ADAMTS18: variants seen among roughly 807,000 people sequenced by gnomAD.
ADAMTS18 encodes A disintegrin and metalloproteinase with thrombospondin motifs 18.
A neutral mutation model predicts 165.9 loss-of-function variants in ADAMTS18; 157 were observed. The ratio of observed to expected loss-of-function variants is 0.95; its 90% CI spans 0.83 to 1.08. The LOEUF (loss-of-function observed/expected upper bound fraction) is 1.08, where lower values mean the gene tolerates loss of function less well. Among genes scored for constraint, ADAMTS18 ranks in the 50% least tolerant of loss-of-function variants. The pLI, the probability that ADAMTS18 is intolerant of heterozygous loss-of-function variation, is 0.00. For missense variants in ADAMTS18, 2,040 were observed against 1,534.0 expected (o/e 1.33, Z -5.51); for synonymous variants, 782 against 578.2 (o/e 1.35, Z -5.06).
intron 17 of ADAMTS18, among the ~76,000 whole-genome samples, chr16:77,298,144 C>A (rs1252483138): frequency 6.6e-6 from 1 of 151,868 alleles, no homozygotes; most frequent in African/African-American, 2.4e-5. Context: ...TCTTGAACTC[C>A]TGACCTCAGT....
At chr16:77,339,278 C>G (rs1393764929) in intron 11 of ADAMTS18, among the ~76,000 whole-genome samples, 2 of 152,076 alleles carry the variant, frequency 1.3e-5, no homozygotes, top group Non-Finnish European at 2.9e-5. Context: ...ATGGATGGAA[C>G]TTATTAAGAT....
intron 9 of ADAMTS18, among the ~76,000 whole-genome samples, chr16:77,354,623 A>C (rs1177974805): frequency 6.6e-6 from 1 of 152,126 alleles, no homozygotes; most frequent in Non-Finnish European, 1.5e-5. Flanking sequence ...TGGGGGTCCT[A>C]ATCAACCATG....
At chr16:77,341,881 T>C (rs1567498217) in intron 10 of ADAMTS18, 82 bp from the exon 11 acceptor site, 4 of 1,113,570 alleles carry the variant, frequency 3.6e-6, no homozygotes, top group Non-Finnish European at 5.3e-6. Flanking sequence ...TATATAATAT[T>C]ATATTTTGGG....
At chr16:77,330,822 C>T (rs1287738962) in intron 12 of ADAMTS18, among the ~76,000 whole-genome samples, 1 of 152,250 alleles carries the variant, frequency 6.6e-6, no homozygotes, top group African/African-American at 2.4e-5. Context: ...GAAACAGAAA[C>T]CTCACACTGC....
chr16:77,410,951 C>G (rs1023452128), intron 3 of ADAMTS18, among the ~76,000 whole-genome samples: 1 of 152,172 alleles, frequency 6.6e-6, no homozygotes, highest in East Asian at 1.9e-4. Context: ...CAGATACTCC[C>G]TGTTTATTCA....
intron 3 of ADAMTS18, among the ~76,000 whole-genome samples, chr16:77,376,368 G>A (rs2056952708): frequency 6.6e-6 from 1 of 152,148 alleles, no homozygotes; most frequent in Non-Finnish European, 1.5e-5. Context: ...CCAACACTGG[G>A]AATTACAAAT....
At chr16:77,426,334 A>G (rs1189685826) in intron 3 of ADAMTS18, among the ~76,000 whole-genome samples, 1 of 152,076 alleles carries the variant, frequency 6.6e-6, no homozygotes, top group Admixed American at 6.5e-5. Context: ...AACTGTGAAG[A>G]GATGCTCCTT....
intron 16 of ADAMTS18, among the ~76,000 whole-genome samples, chr16:77,305,274 C>T (rs1022244733): frequency 6.6e-6 from 1 of 152,044 alleles, no homozygotes; most frequent in African/African-American, 2.4e-5. Flanking sequence ...CTGTTTGATG[C>T]CTGCAAATAC....
intron 3 of ADAMTS18, among the ~76,000 whole-genome samples, chr16:77,396,776 C>G (rs2057262827): frequency 6.6e-6 from 1 of 150,846 alleles, no homozygotes; most frequent in South Asian, 2.1e-4. Flanking sequence ...GCTTTGTTCA[C>G]TAAACAAGTG....
At chr16:77,329,106 T>C (rs981387907) in intron 12 of ADAMTS18, among the ~76,000 whole-genome samples, 28 of 146,494 alleles carry the variant, frequency 1.9e-4, no homozygotes, top group East Asian at 9.8e-4. Context: ...GATTCTCTCT[T>C]TTTTTTTTTT....
intron 3 of ADAMTS18, among the ~76,000 whole-genome samples, chr16:77,394,273 C>G (rs2057228139): frequency 6.6e-6 from 1 of 152,164 alleles, no homozygotes; most frequent in African/African-American, 2.4e-5. Context: ...CTGGAGACAG[C>G]TGGTGGTCAT....
intron 10 of ADAMTS18, among the ~76,000 whole-genome samples, chr16:77,352,151 T>A (rs538265547): frequency 6.6e-6 from 1 of 152,160 alleles, no homozygotes; most frequent in Non-Finnish European, 1.5e-5. Flanking sequence ...TAGTTATGCA[T>A]TGAAACTGTA....
At chr16:77,307,652 G>A (rs1021200689) in intron 16 of ADAMTS18, among the ~76,000 whole-genome samples, 1 of 152,154 alleles carries the variant, frequency 6.6e-6, no homozygotes, top group Non-Finnish European at 1.5e-5. Context: ...AAGTACCTCT[G>A]AATCGTCCTC....
intron 16 of ADAMTS18, among the ~76,000 whole-genome samples, chr16:77,311,795 C>T (rs1567472305): frequency 1.3e-5 from 2 of 150,064 alleles, no homozygotes; most frequent in African/African-American, 4.9e-5. Context: ...ATTAATCATA[C>T]AAGTTTCCAT....
intron 12 of ADAMTS18, 113 bp downstream of exon 12, chr16:77,335,643 G>A: frequency 8.0e-7 from 1 of 1,250,266 alleles, no homozygotes; most frequent in Non-Finnish European, 1.2e-6. Context: ...CCATTATGTA[G>A]CCATAATAAT....
At position 77,289,388 on chromosome 16, in the gene ADAMTS18, C is replaced by A; in HGVS notation, c.3426G>T (p.Gly1142=). 3 of 1,613,980 alleles carry A rather than the reference C, an allele frequency of 1.9e-6. No homozygotes were observed. The highest frequency in any genetic ancestry group is 2.5e-6 in the Non-Finnish European group (3 of 1,179,982). ...WQQCTVTCGG[G]VQTRSVHCVQ... ...CACAGTGGACTGACCGGGTCTGGAC[C>A]CCTCCCCCACAGGTGACTGTGCACT... is the stretch of plus-strand genomic sequence containing the variant. Residue 1142 remains glycine, a synonymous_variant, in exon 22 of 23, where the codon GGG becomes GGT. Transcript: ENST00000282849.
Position 77,383,400 on chromosome 16 carries a change from A to T in ADAMTS18, c.496-15677T>A, listed in dbSNP as rs6564440. Among the ~76,000 whole-genome samples the T allele has an allele frequency of 8.5e-3, 1,294 of 152,228 alleles. 18 individuals are homozygous for T. Among genetic ancestry groups the T allele is most frequent in the African/African-American group, 0.029 (1,209 of 41,536 alleles). ...TTATTTTTTCTTTTAACTGAATTCC[A>T]GCTACATTCACTCCATTGCTGTTCT... On this transcript the variant is annotated intron_variant, in intron 3 of 22. Coordinates refer to ENST00000282849, the MANE Select transcript of ADAMTS18 (RefSeq NM_199355.4).
intron 16 of ADAMTS18, among the ~76,000 whole-genome samples, chr16:77,304,864 A>G (rs1197798066): frequency 6.6e-6 from 1 of 152,222 alleles, no homozygotes; most frequent in Non-Finnish European, 1.5e-5. Flanking sequence ...TATTGTTTAT[A>G]GTTTATTTCC....
intron 10 of ADAMTS18, 107 bp downstream of exon 10, chr16:77,353,626 C>T (rs1018784454): frequency 3.3e-6 from 5 of 1,493,768 alleles, no homozygotes; most frequent in Non-Finnish European, 4.6e-6. Flanking sequence ...TAGAGATAAC[C>T]CAGAACCTAA....
Sources: allele counts gnomAD v4.1 joint callset (sites outside exome capture counted in the v4.1 genomes callset), GRCh38; gene constraint gnomAD v4.1.1; transcripts MANE v1.5; gene names NCBI Gene and HGNC (gene_info 2026-07-23, HGNC 2026-07-21).